RFX7: variants seen among roughly 807,000 people sequenced by gnomAD.
RFX7 encodes the protein DNA-binding protein RFX7.
RFX7 carries 26 observed loss-of-function variants against 111.8 expected under a neutral mutation model. That is an observed-to-expected ratio of 0.23 (90% CI 0.17 to 0.32). The LOEUF (loss-of-function observed/expected upper bound fraction) is 0.32. Among genes scored for constraint, RFX7 ranks in the 10% least tolerant of loss-of-function variants. The pLI is 1.00. For missense variants in RFX7, 1,573 were observed against 1,772.9 expected (o/e 0.89, Z 2.02); for synonymous variants, 624 against 624.4 (o/e 1.00, Z 0.01).
At chr15:56,240,622 G>A (rs568052553) in intron 2 of RFX7, among the ~76,000 whole-genome samples, 2 of 152,214 alleles carry the variant, frequency 1.3e-5, no homozygotes, top group East Asian at 1.9e-4. Context: ...TGCAAGCCCA[G>A]TAATTTAGAA....
intron 5 of RFX7, among the ~76,000 whole-genome samples, chr15:56,122,430 G>A (rs2042090546): frequency 6.6e-6 from 1 of 152,160 alleles, no homozygotes; most frequent in African/African-American, 2.4e-5. Flanking sequence ...GGGGAGTGGT[G>A]ACACAAGCAG....
At chr15:56,103,377 T>G (rs965848737) in intron 6 of RFX7, among the ~76,000 whole-genome samples, 177 bp downstream of exon 6, 6 of 152,204 alleles carry the variant, frequency 3.9e-5, no homozygotes, top group African/African-American at 1.4e-4. Flanking sequence ...GCTATTTCTT[T>G]CATAGTGTGA....
At chr15:56,121,795 T>A (rs759030814) in intron 5 of RFX7, among the ~76,000 whole-genome samples, 10 of 152,206 alleles carry the variant, frequency 6.6e-5, no homozygotes, top group Admixed American at 5.2e-4. Flanking sequence ...TTTGATCAAT[T>A]CTGCAAGTAA....
chr15:56,203,286 G>A (rs1438111379), intron 2 of RFX7, among the ~76,000 whole-genome samples: 3 of 152,170 alleles, frequency 2.0e-5, no homozygotes, highest in Admixed American at 6.5e-5. Flanking sequence ...TACACTTTGC[G>A]AAGACACTTC....
intron 2 of RFX7, among the ~76,000 whole-genome samples, chr15:56,213,659 T>G (rs891288290): frequency 6.6e-6 from 1 of 152,184 alleles, no homozygotes; most frequent in Non-Finnish European, 1.5e-5. Flanking sequence ...ATTTGCAAGA[T>G]GACACCACTG....
chr15:56,186,066 A>G (rs113997228), intron 2 of RFX7, among the ~76,000 whole-genome samples: 168 of 152,298 alleles, frequency 1.1e-3, no homozygotes, highest in African/African-American at 4.0e-3. Context: ...GGAAACTGTT[A>G]TATCAAATGA....
chr15:56,097,124 T>C (rs1441011805), intron 9 of RFX7, among the ~76,000 whole-genome samples: 1 of 152,170 alleles, frequency 6.6e-6, no homozygotes, highest in African/African-American at 2.4e-5. Context: ...ACCATGTATT[T>C]CATATTTTAA....
chr15:56,181,800 T>C (rs1480901102), intron 2 of RFX7, among the ~76,000 whole-genome samples: 1 of 137,176 alleles, frequency 7.3e-6, no homozygotes, highest in African/African-American at 2.8e-5. Context: ...CTAAAAAATA[T>C]ATGTAAATGA....
intron 2 of RFX7, among the ~76,000 whole-genome samples, chr15:56,183,875 C>A (rs2043004021): frequency 6.6e-6 from 1 of 152,044 alleles, no homozygotes; most frequent in African/African-American, 2.4e-5. Flanking sequence ...CTGAATAAAT[C>A]TTTTGTTAGA....
chr15:56,223,646 C>G (rs752945134), intron 2 of RFX7, among the ~76,000 whole-genome samples: 1 of 152,058 alleles, frequency 6.6e-6, no homozygotes, highest in Non-Finnish European at 1.5e-5. Flanking sequence ...ATCAAGAAAA[C>G]TGAAAAAATG....
chr15:56,244,101 G>A (rs1444686547), upstream of RFX7: 2 of 151,960 alleles, frequency 1.3e-5, no homozygotes, highest in African/African-American at 4.8e-5. Context: ...GAGAGAAAGA[G>A]AACTTGCGTG....
At chr15:56,166,812 C>T (rs2042788069) in intron 3 of RFX7, among the ~76,000 whole-genome samples, 2 of 151,976 alleles carry the variant, frequency 1.3e-5, no homozygotes, top group East Asian at 1.9e-4. Flanking sequence ...TGTACTGTGG[C>T]GGCACAATTG....
chr15:56,190,321 C>T (rs2043087302), intron 2 of RFX7, among the ~76,000 whole-genome samples: 1 of 152,178 alleles, frequency 6.6e-6, no homozygotes, highest in Non-Finnish European at 1.5e-5. Flanking sequence ...TGTCTGTCAG[C>T]ATTCAGTGTC....
chr15:56,152,121 C>T (rs559540562), intron 3 of RFX7, among the ~76,000 whole-genome samples: 3 of 152,148 alleles, frequency 2.0e-5, no homozygotes, highest in African/African-American at 7.2e-5. Context: ...GACTTTAACA[C>T]CCCACTGTCA....
At chr15:56,169,960 T>A (rs908510980) in intron 3 of RFX7, among the ~76,000 whole-genome samples, 32 of 152,276 alleles carry the variant, frequency 2.1e-4, no homozygotes, top group Admixed American at 3.3e-4. Context: ...GAGTTATCTT[T>A]ACTTATTGGC....
At chr15:56,168,770 T>C (rs1276320874) in intron 3 of RFX7, among the ~76,000 whole-genome samples, 2 of 152,182 alleles carry the variant, frequency 1.3e-5, no homozygotes, top group African/African-American at 4.8e-5. Flanking sequence ...AAAAGATGGC[T>C]TCCCTAGAAG....
chr15:56,172,699 A>G (rs2042858324), intron 3 of RFX7, among the ~76,000 whole-genome samples: 1 of 152,234 alleles, frequency 6.6e-6, no homozygotes, highest in Non-Finnish European at 1.5e-5. Flanking sequence ...AGGCAAGATC[A>G]TTTACCGGCA....
intron 2 of RFX7, among the ~76,000 whole-genome samples, chr15:56,232,054 C>T (rs921502873): frequency 3.9e-5 from 6 of 152,190 alleles, no homozygotes; most frequent in African/African-American, 9.7e-5. Flanking sequence ...CCTCTCTTGG[C>T]GGCTTTTATG....
chr15:56,098,955 C>T lies in RFX7; in HGVS notation c.812-579G>A, dbSNP rs572886514. Among the ~76,000 whole-genome samples, 8 of 151,944 alleles carry T rather than the reference C, an allele frequency of 5.3e-5. No individual in the cohort carries two copies. The South Asian group carries it at 1.2e-3, about 24-fold the overall frequency. ...CTACTATACAATGATTCCAGTATGACCTAGAAGAAATTCAGAAGCAGAATT... is the reference window on the plus strand; with the variant it reads ...CTACTATACAATGATTCCAGTATGATCTAGAAGAAATTCAGAAGCAGAATT... On this transcript the variant is annotated intron_variant, in intron 8 of 9. Transcript: ENST00000559447.
Sources: gnomAD v4.1 joint callset for allele counts (sites outside exome capture counted in the v4.1 genomes callset) on GRCh38, gnomAD v4.1.1 for gene constraint, MANE v1.5 for transcripts, NCBI Gene and HGNC (gene_info 2026-07-23, HGNC 2026-07-21) for gene names.